SLC2A12: variants seen among roughly 807,000 people sequenced by gnomAD.
SLC2A12 encodes solute carrier family 2, facilitated glucose transporter member 12.
A neutral mutation model predicts 41.8 loss-of-function variants in SLC2A12; 23 were observed. The observed-to-expected ratio is 0.55, with a 90% CI of 0.40 to 0.78. The LOEUF is 0.78. Among genes scored for constraint, SLC2A12 ranks in the 30% least tolerant of loss-of-function variants. The pLI is 0.00. For synonymous variants in SLC2A12, 295 were observed against 285.9 expected, an observed-to-expected ratio of 1.03 and a Z score of -0.32; for missense variants, 654 against 745.6, an observed-to-expected ratio of 0.88 and a Z score of 1.43.
chr6:134,010,010 C>G (rs1776859839), intron 2 of SLC2A12, among the ~76,000 whole-genome samples: 1 of 152,164 alleles, frequency 6.6e-6, no homozygotes, highest in Non-Finnish European at 1.5e-5. Flanking sequence ...AGAAGCAAGA[C>G]AGTGCCAGAA....
intron 2 of SLC2A12, 130 bp from the exon 3 acceptor site, chr6:134,007,064 A>C: frequency 7.7e-7 from 1 of 1,300,426 alleles, no homozygotes; most frequent in Non-Finnish European, 1.1e-6. Context: ...ACCATTTCCT[A>C]CCTCAGCAGA....
rs752929854 is a variant in SLC2A12, at chr6:134,029,317, G to A, written c.508C>T (p.Leu170=). Residue 170 remains leucine (L), a synonymous_variant, in exon 2 of 5, where the codon CTG becomes TTG. Coordinates refer to ENST00000275230, the MANE Select transcript of SLC2A12 (RefSeq NM_145176.3). ...PQHRRGLLVS[L]NELMIVIGIL... is the part of the protein sequence containing the mutation. ...CCGATGACAATCATCAGCTCATTCA[G>A]TGACACAAGAAGGCCTCTTCTGTGT... 12 of 1,614,130 alleles carry A rather than the reference G, an allele frequency of 7.4e-6. No individual in the cohort carries two copies. The highest frequency in any genetic ancestry group is 1.0e-5 in the Non-Finnish European group (12 of 1,180,058).
At chr6:134,006,169 ACTATCGGAAAAAAAAAAAAAAAAC>A (rs1294833873) in intron 3 of SLC2A12, among the ~76,000 whole-genome samples, 3 of 135,080 alleles carry the variant, frequency 2.2e-5, no homozygotes, top group Non-Finnish European at 4.8e-5. Context: ...ACAGAGAGAG[ACTATCGGAAAAAAAAAAAAAAAAC>A]AAAAAAAAAA....
At chr6:134,050,089 A>C (rs984648025) in intron 1 of SLC2A12, among the ~76,000 whole-genome samples, 1 of 152,222 alleles carries the variant, frequency 6.6e-6, no homozygotes, top group Non-Finnish European at 1.5e-5. Flanking sequence ...TACCTCATTA[A>C]ATCTCAACAC....
intron 4 of SLC2A12, among the ~76,000 whole-genome samples, chr6:133,996,297 A>T (rs1776685701): frequency 6.6e-6 from 1 of 152,248 alleles, no homozygotes; most frequent in Admixed American, 6.5e-5. Flanking sequence ...GTGCCCACTT[A>T]AGCTGGGGGG....
At position 133,989,607 on chromosome 6, in the gene SLC2A12, T is replaced by A. The variant is rs947048701; in HGVS notation, c.*1548A>T. 5 of 152,142 alleles carry A rather than the reference T, an allele frequency of 3.3e-5. No homozygotes were observed. The highest frequency in any genetic ancestry group is 7.4e-5 in the Non-Finnish European group (5 of 68,018). The allele number at this position is 152,142 out of a possible 1,614,324, so 9.4% of individuals were successfully genotyped here. ...ACCATGATAGAATTGAGATCTCCAA[T>A]CTCCTTTCCTTTTAGCTTCCCCCTG... On this transcript the variant is annotated 3_prime_UTR_variant, in exon 5 of 5. Transcript: ENST00000275230.
chr6:134,013,271 G>C (rs1253485033), intron 2 of SLC2A12, among the ~76,000 whole-genome samples: 1 of 152,054 alleles, frequency 6.6e-6, no homozygotes, highest in Non-Finnish European at 1.5e-5. Flanking sequence ...TGGGTGACAA[G>C]AGTGAAATTC....
At chr6:134,019,833 C>T (rs1489397070) in intron 2 of SLC2A12, among the ~76,000 whole-genome samples, 1 of 152,064 alleles carries the variant, frequency 6.6e-6, no homozygotes, top group African/African-American at 2.4e-5. Flanking sequence ...ACCAGCCTGG[C>T]CAATATGGTA....
chr6:134,033,120 G>T (rs888490174), intron 1 of SLC2A12, among the ~76,000 whole-genome samples: 1 of 151,930 alleles, frequency 6.6e-6, no homozygotes, highest in Non-Finnish European at 1.5e-5. Flanking sequence ...AGGACGGAAA[G>T]GGCTTAAAGT....
intron 1 of SLC2A12, among the ~76,000 whole-genome samples, chr6:134,040,703 C>T (rs1057397129): frequency 1.3e-5 from 2 of 152,224 alleles, no homozygotes; most frequent in African/African-American, 4.8e-5. Flanking sequence ...TCCTGTGGCT[C>T]TCTCCTTTTA....
At chr6:134,038,736 C>T (rs985971127) in intron 1 of SLC2A12, among the ~76,000 whole-genome samples, 1 of 114,038 alleles carries the variant, frequency 8.8e-6, no homozygotes, top group African/African-American at 4.0e-5. Flanking sequence ...TACAAATTCT[C>T]GCTCTTTCGC....
chr6:134,046,703 T>C (rs2627236), intron 1 of SLC2A12, among the ~76,000 whole-genome samples: 89,618 of 151,714 alleles, frequency 0.59, 28,025 homozygotes, highest in African/African-American at 0.8. Context: ...CCCAGCTTCT[T>C]GGGTGGCTGA....
At chr6:134,025,489 A>G (rs978688920) in intron 2 of SLC2A12, among the ~76,000 whole-genome samples, 1 of 152,214 alleles carries the variant, frequency 6.6e-6, no homozygotes. Context: ...CTTAAACCAT[A>G]TTTTAAAAAA....
intron 2 of SLC2A12, among the ~76,000 whole-genome samples, chr6:134,010,817 G>C (rs1328978391): frequency 6.6e-6 from 1 of 152,174 alleles, no homozygotes; most frequent in African/African-American, 2.4e-5. Context: ...TGAGGACATG[G>C]ACTTGGATTC....
intron 2 of SLC2A12, among the ~76,000 whole-genome samples, chr6:134,013,263 G>T (rs549898010): frequency 6.6e-6 from 1 of 151,924 alleles, no homozygotes; most frequent in African/African-American, 2.4e-5. Flanking sequence ...CTCCAGCCTG[G>T]GTGACAAGAG....
Position 133,990,990 on chromosome 6 carries a change from T to C in SLC2A12, c.*165A>G, listed in dbSNP as rs1168155842. On this transcript the variant is annotated 3_prime_UTR_variant, in exon 5 of 5. Transcript: ENST00000275230. ...CTCATCTACCTTTTGAGGTTCCTTC[T>C]GGGGAGGAGGGGGATTAAAGGCTGT... 2.7e-6 allele frequency: 2 copies of C among 742,690 alleles called. No individual in the cohort carries two copies. The highest frequency in any genetic ancestry group is 4.2e-6 in the Non-Finnish European group (2 of 478,228). 46.0% of individuals were successfully genotyped at this position (742,690 alleles called of 1,614,324 possible). A position where few individuals can be genotyped will look rare whatever the true frequency, so the allele number is the denominator to read the frequency against.
At chr6:134,041,212 G>C (rs1174825827) in intron 1 of SLC2A12, among the ~76,000 whole-genome samples, 2 of 152,162 alleles carry the variant, frequency 1.3e-5, no homozygotes, top group African/African-American at 4.8e-5. Flanking sequence ...GCTCTGAAAG[G>C]CTTTGTCTCT....
At position 134,018,395 on chromosome 6, in the gene SLC2A12, T is replaced by C. The variant is rs141151863; in HGVS notation, c.1444+9986A>G. 7.2e-4 allele frequency among the ~76,000 whole-genome samples: 110 copies of C among 152,322 alleles called. 2 individuals carry two copies. In the South Asian group the frequency reaches 0.011, roughly 15 times the overall value. Reference sequence around the variant, plus strand: ...AGATCAATGGACTTGCCCTAAGTCCTGCATGGTGGTGCTGGATTCAAGGCC... The same window carrying C: ...AGATCAATGGACTTGCCCTAAGTCCCGCATGGTGGTGCTGGATTCAAGGCC... On this transcript the variant is annotated intron_variant, in intron 2 of 4. Transcript: ENST00000275230.
At chr6:134,038,699 CCTTTTTTTTTTTT>C (rs1777339755) in intron 1 of SLC2A12, among the ~76,000 whole-genome samples, 1 of 113,040 alleles carries the variant, frequency 8.8e-6, no homozygotes. Flanking sequence ...TCCTTTCTTT[CCTTTTTTTTTTTT>C]TTTTTTTTTT....
Sources: gnomAD v4.1 joint callset for allele counts (sites outside exome capture counted in the v4.1 genomes callset) on GRCh38, gnomAD v4.1.1 for gene constraint, MANE v1.5 for transcripts, NCBI Gene and HGNC (gene_info 2026-07-23, HGNC 2026-07-21) for gene names.